Variants in DLC1 observed in about 807,000 individuals in gnomAD.
DLC1 encodes the protein DLC1 Rho GTPase activating protein, also known as rho GTPase-activating protein 7.
In DLC1, 54 loss-of-function variants were observed where a neutral mutation model predicts 140.3. That is an observed-to-expected ratio of 0.38 (90% CI 0.31 to 0.48). The LOEUF is 0.48. DLC1 is among the 20% of genes least tolerant of loss of function. The pLI, the probability that DLC1 is intolerant of heterozygous loss-of-function variation, is 0.96. For synonymous variants in DLC1, 986 were observed against 728.1 expected, an observed-to-expected ratio of 1.35 and a Z score of -5.70; for missense variants, 2,536 against 1,907.0, an observed-to-expected ratio of 1.33 and a Z score of -6.14.
chr8:13,306,400 T>A (rs1273935847), intron 4 of DLC1, among the ~76,000 whole-genome samples: 2 of 152,154 alleles, frequency 1.3e-5, no homozygotes, highest in Non-Finnish European at 2.9e-5. Flanking sequence ...TAGTTGAGGA[T>A]GTATTAACTG....
At position 13,091,331 on chromosome 8, in the gene DLC1, T is replaced by C. The variant is rs1212946519; in HGVS notation, c.3842A>G (p.Lys1281Arg). ...QGLAHMIAEC[K>R]KLFQVPEEMS... ...TCAATTCCTTACCTGGAAAAGCTTC[T>C]TGCACTCGGCGATCATATGGGCCAG... Residue 1281 changes from lysine to arginine, a missense_variant, in exon 14 of 18, where the codon AAG becomes AGG. Physicochemically the swap from Lys to Arg is conservative, Grantham distance 26 (BLOSUM62 2). Transcript: ENST00000276297. 11 of 1,613,986 alleles carry C rather than the reference T, an allele frequency of 6.8e-6. No individual in the cohort carries two copies. The highest frequency in any genetic ancestry group is 1.7e-5 in the Admixed American group (1 of 59,948).
intron 1 of DLC1, among the ~76,000 whole-genome samples, chr8:13,602,035 G>C (rs1585321447): frequency 1.3e-5 from 2 of 151,890 alleles, no homozygotes; most frequent in South Asian, 4.1e-4. Context: ...GCCTCCTGAT[G>C]GATGAACACA....
intron 5 of DLC1, among the ~76,000 whole-genome samples, chr8:13,145,794 T>G (rs763913594): frequency 8.5e-5 from 13 of 152,320 alleles, no homozygotes; most frequent in Admixed American, 1.3e-4. Context: ...ATTTTCAATT[T>G]AATAAAATAT....
intron 4 of DLC1, chr8:13,353,502 T>C (rs898263017): frequency 6.6e-6 from 1 of 152,014 alleles, no homozygotes; most frequent in Non-Finnish European, 1.5e-5. Context: ...CAGTGAATGT[T>C]ATAATCAAAG....
intron 12 of DLC1, among the ~76,000 whole-genome samples, chr8:13,093,080 C>G (rs931565584): frequency 6.6e-6 from 1 of 152,036 alleles, no homozygotes; most frequent in Non-Finnish European, 1.5e-5. Context: ...TTAAATCCAC[C>G]TCAGAGTTCG....
chr8:13,456,541 T>A (rs1485436933), intron 2 of DLC1, among the ~76,000 whole-genome samples: 1 of 152,064 alleles, frequency 6.6e-6, no homozygotes, highest in Non-Finnish European at 1.5e-5. Context: ...TCCCTGCAAC[T>A]CCTGCCTCCC....
intron 4 of DLC1, among the ~76,000 whole-genome samples, chr8:13,324,343 T>C (rs2463808): frequency 0.85 from 129,319 of 152,040 alleles, 55,462 homozygotes; most frequent in East Asian, 0.95. Flanking sequence ...CCGAGGCGGA[T>C]GGATCACGAG....
At chr8:13,584,759 A>G (rs546631958) in intron 1 of DLC1, among the ~76,000 whole-genome samples, 9 of 152,278 alleles carry the variant, frequency 5.9e-5, no homozygotes, top group African/African-American at 1.9e-4. Context: ...CTTTCGCTCA[A>G]AAACTTTTCG....
intron 4 of DLC1, among the ~76,000 whole-genome samples, chr8:13,343,605 C>T (rs1029767715): frequency 5.3e-5 from 8 of 152,082 alleles, no homozygotes; most frequent in Non-Finnish European, 1.0e-4. Flanking sequence ...CCCATTTTGT[C>T]CATAAGAAAA....
At chr8:13,140,135 G>A (rs1349977767) in intron 5 of DLC1, among the ~76,000 whole-genome samples, 1 of 152,076 alleles carries the variant, frequency 6.6e-6, no homozygotes, top group Non-Finnish European at 1.5e-5. Flanking sequence ...ATGTCCTATA[G>A]GCAGAATCAT....
At chr8:13,260,350 T>G (rs1830426471) in intron 5 of DLC1, among the ~76,000 whole-genome samples, 1 of 152,062 alleles carries the variant, frequency 6.6e-6, no homozygotes, top group Non-Finnish European at 1.5e-5. Flanking sequence ...ACAGTGGTTG[T>G]AGAACTAAAA....
At chr8:13,155,364 G>A (rs1185440393) in intron 5 of DLC1, among the ~76,000 whole-genome samples, 8 of 150,040 alleles carry the variant, frequency 5.3e-5, no homozygotes, top group Admixed American at 6.6e-5. Context: ...AAAAGCAAAT[G>A]AAAAATAAAA....
At chr8:13,090,634 G>A (rs544740589) in intron 14 of DLC1, among the ~76,000 whole-genome samples, 164 bp from the exon 15 acceptor site, 2 of 152,250 alleles carry the variant, frequency 1.3e-5, no homozygotes, top group Non-Finnish European at 2.9e-5. Context: ...GTGTTATCAC[G>A]AGGATATGAA....
intron 1 of DLC1, among the ~76,000 whole-genome samples, chr8:13,569,294 A>G (rs1443750977): frequency 6.6e-6 from 1 of 152,156 alleles, no homozygotes; most frequent in Non-Finnish European, 1.5e-5. Flanking sequence ...ATCAGCACAG[A>G]AGAGTTTTAG....
rs1288948768 is a variant in DLC1, at chr8:13,521,390, T to C, written c.-125-21194A>G. On this transcript the variant is annotated intron_variant, in intron 1 of 1. Transcript: ENST00000631382. ...AACAAACCTACACATTCTGCACATG[T>C]ATCCCAGAACTTAAAATTAAAAAAA... 2.0e-5 allele frequency among the ~76,000 whole-genome samples: 3 copies of C among 150,746 alleles called. No homozygotes were observed. In the Admixed American group the frequency reaches 2.0e-4, roughly 10 times the overall value.
intron 2 of DLC1, among the ~76,000 whole-genome samples, chr8:13,487,885 TTTACACTTA>T (rs1481924719): frequency 6.6e-6 from 1 of 152,174 alleles, no homozygotes; most frequent in Non-Finnish European, 1.5e-5. Context: ...AATCTCTTGT[TTTACACTTA>T]AAGAAGGCGA....
intron 5 of DLC1, among the ~76,000 whole-genome samples, chr8:13,163,186 T>C (rs371891151): frequency 1.4e-4 from 21 of 152,200 alleles, no homozygotes; most frequent in East Asian, 9.6e-4. Context: ...CATTGTGTTA[T>C]AATATTACCA....
intron 5 of DLC1, among the ~76,000 whole-genome samples, chr8:13,269,628 C>T (rs1830833532): frequency 7.2e-6 from 1 of 137,992 alleles, no homozygotes. Context: ...TTGCTGAGTT[C>T]AGGAGTTCAA....
intron 2 of DLC1, among the ~76,000 whole-genome samples, chr8:13,407,948 TTAAAA>T (rs1253339756): frequency 2.0e-5 from 3 of 152,196 alleles, no homozygotes; most frequent in African/African-American, 7.2e-5. Context: ...CTTTCCTTTC[TTAAAA>T]TAATATCCTG....
Sources: allele counts gnomAD v4.1 joint callset (sites outside exome capture counted in the v4.1 genomes callset), GRCh38; gene constraint gnomAD v4.1.1; transcripts MANE v1.5; gene names NCBI Gene and HGNC (gene_info 2026-07-23, HGNC 2026-07-21).